RIF1: variants seen among roughly 807,000 people sequenced by gnomAD.
RIF1 encodes the protein telomere-associated protein RIF1.
Under a neutral mutation model 247.1 loss-of-function variants are expected in RIF1, and 45 were observed. That is an observed-to-expected ratio of 0.18 (90% CI 0.14 to 0.23). The LOEUF (loss-of-function observed/expected upper bound fraction) is 0.23. RIF1 is among the 10% of genes least tolerant of loss of function. The probability of loss-of-function intolerance (pLI) is 1.00; values close to 1 mark genes in which losing one functional copy is unlikely to be tolerated. For missense variants in RIF1, 2,967 were observed against 2,862.5 expected, an observed-to-expected ratio of 1.04 and a Z score of -0.83; for synonymous variants, 1,087 against 978.8, an observed-to-expected ratio of 1.11 and a Z score of -2.06.
chr2:151,479,038 A>G lies in RIF1; in HGVS notation c.*3967A>G, dbSNP rs937566534. The G allele has an allele frequency of 2.6e-5, 4 of 152,168 alleles. No homozygotes were observed. The highest frequency in any genetic ancestry group is 6.6e-5 in the Admixed American group (1 of 15,264). The allele number at this position is 152,168 out of a possible 1,614,324, so 9.4% of individuals were successfully genotyped here. A position where few individuals can be genotyped will look rare whatever the true frequency, so the allele number is the denominator to read the frequency against. On this transcript the variant is annotated 3_prime_UTR_variant, in exon 36 of 36. Coordinates refer to ENST00000444746, the MANE Select transcript of RIF1 (RefSeq NM_018151.5). Reference sequence around the variant, plus strand: ...CTTTGATGTGCATATGAACAAGTGGATTCTGATTCAGTAGATCTGCATTGG... The same window carrying G: ...CTTTGATGTGCATATGAACAAGTGGGTTCTGATTCAGTAGATCTGCATTGG...
the RIF1 span, among the ~76,000 whole-genome samples, chr2:151,515,351 A>G: frequency 6.6e-6 from 1 of 152,212 alleles, no homozygotes; most frequent in Non-Finnish European, 1.5e-5. Flanking sequence ...GCCTAAGGCT[A>G]CCAAATGCTA....
downstream of RIF1, among the ~76,000 whole-genome samples, chr2:151,508,290 A>C (rs1467159537): frequency 6.6e-6 from 1 of 152,186 alleles, no homozygotes; most frequent in African/African-American, 2.4e-5. Flanking sequence ...AAGAAAGAGC[A>C]CCATACTTTT....
In RIF1 at chr2:151,501,398, A is replaced by C. The variant is rs766968278; in HGVS notation, c.*710-1636A>C. 1 of 1,547,962 alleles carries C rather than the reference A, an allele frequency of 6.5e-7. No homozygotes were observed. The highest frequency in any genetic ancestry group is 1.2e-5 in the South Asian group (1 of 83,604). On this transcript the variant is annotated intron_variant and NMD_transcript_variant, in intron 11 of 13. Transcript: ENST00000454583. ...GAGCTTTCTCCCAAATACCGAGCTA[A>C]AGTTTTCTTGATTGAGTTTGACTCG... is the stretch of plus-strand genomic sequence containing the variant.
Position 151,435,600 on chromosome 2 carries a change from G to A in RIF1, c.1195+20G>A. The A allele has an allele frequency of 7.1e-7, 1 of 1,402,618 alleles. No individual in the cohort carries two copies. Among genetic ancestry groups the A allele is most frequent in the Non-Finnish European group, 1.0e-6 (1 of 991,256 alleles). 86.9% of individuals were successfully genotyped at this position (1,402,618 alleles called of 1,614,324 possible). A position where few individuals can be genotyped will look rare whatever the true frequency, so the allele number is the denominator to read the frequency against. ...ACAAAGGTAAGAGGTAGATATTCTT[G>A]TTTTTTGCTTTTTTAATCAGGCTTT... is the stretch of plus-strand genomic sequence containing the variant. On this transcript the variant is annotated intron_variant, in intron 11 of 35. Transcript: ENST00000444746.
At chr2:151,533,660 T>C in the RIF1 span, 2 of 660,988 alleles carry the variant, frequency 3.0e-6, no homozygotes, top group Non-Finnish European at 5.4e-6. Context: ...ACACTTTATG[T>C]ACTCACATAT....
the RIF1 span, among the ~76,000 whole-genome samples, chr2:151,522,153 A>C: frequency 6.6e-6 from 1 of 152,170 alleles, no homozygotes; most frequent in Non-Finnish European, 1.5e-5. Flanking sequence ...ATTTTGCATT[A>C]ATTATATTTT....
Position 151,463,634 on chromosome 2 carries a change from A to C in RIF1, c.4114A>C (p.Thr1372Pro). The change falls in exon 30 of 36, where the codon ACT becomes CCT. Residue 1372 changes from threonine to proline, a missense_variant. Physicochemically the swap from Thr to Pro is conservative, Grantham distance 38. Transcript: ENST00000444746. ...AAATGCTGTATTATTGGAAACTAAT[A>C]CTGTAGAGGAGAAAAATGTAGAAAT... Reference protein sequence around the residue: ...VENAVLLETNTVEEKNVEINL... With the variant: ...VENAVLLETNPVEEKNVEINL... 6.2e-7 allele frequency: 1 copy of C among 1,613,808 alleles called. No homozygotes were observed. The highest frequency in any genetic ancestry group is 1.3e-5 in the African/African-American group (1 of 75,048).
intron 11 of RIF1, among the ~76,000 whole-genome samples, chr2:151,500,449 T>C (rs1559262229): frequency 6.6e-6 from 1 of 151,884 alleles, no homozygotes; most frequent in Non-Finnish European, 1.5e-5. Flanking sequence ...GTGTTAGAGT[T>C]TTTCAGCAAC....
chr2:151,524,591 T>G, the RIF1 span: 2 of 1,613,234 alleles, frequency 1.2e-6, no homozygotes, highest in Non-Finnish European at 1.7e-6. Flanking sequence ...ATGCAGGTTC[T>G]CTTTGGCATC....
chr2:151,411,827 C>A (rs75196723), intron 3 of RIF1, among the ~76,000 whole-genome samples: 2,178 of 152,296 alleles, frequency 0.014, 26 homozygotes, highest in Non-Finnish European at 0.02. Context: ...TCTTAATTAC[C>A]TTACACGCTT....
At chr2:151,482,199 A>G (rs531735592), downstream of RIF1, 53 of 152,278 alleles carry the variant, frequency 3.5e-4, no homozygotes, top group African/African-American at 1.1e-3. Flanking sequence ...TGTTGGCTAC[A>G]TTTTGGTTTT....
the RIF1 span, chr2:151,533,548 T>A: frequency 6.5e-7 from 1 of 1,544,258 alleles, no homozygotes; most frequent in Admixed American, 2.0e-5. Context: ...ATATTTTCTC[T>A]GTCCATGCAA....
At position 151,463,583 on chromosome 2, in the gene RIF1, A is replaced by G. The variant is rs1169988850; in HGVS notation, c.4063A>G (p.Thr1355Ala). 4 of 1,613,912 alleles carry G rather than the reference A, an allele frequency of 2.5e-6. No homozygotes were observed. Among genetic ancestry groups the G allele is most frequent in the South Asian group, 2.2e-5 (2 of 91,082 alleles). ...LSESTMEHDNTKLKAATVENA... is the reference protein window; with the variant it reads ...LSESTMEHDNAKLKAATVENA... Reference sequence around the variant, plus strand: ...TGAATCTACAATGGAGCATGACAATACAAAGCTTAAAGCAGCAACAGTGGA... The same window carrying G: ...TGAATCTACAATGGAGCATGACAATGCAAAGCTTAAAGCAGCAACAGTGGA... The change falls in exon 30 of 36, where the codon ACA becomes GCA. Residue 1355 changes from threonine to alanine, a missense_variant. Around this residue, in one of 7 missense-constraint regions of RIF1, gnomAD observed 2,028 missense variants for 1,825.6 expected, o/e 1.11. Transcript: ENST00000444746.
At chr2:151,442,704 A>G (rs940659976) in intron 16 of RIF1, among the ~76,000 whole-genome samples, 6 of 151,234 alleles carry the variant, frequency 4.0e-5, no homozygotes, top group African/African-American at 1.5e-4. Flanking sequence ...TATATCTGGA[A>G]TCTCATAATT....
At chr2:151,519,534 T>G in the RIF1 span, 1 of 729,600 alleles carries the variant, frequency 1.4e-6, no homozygotes, top group Admixed American at 2.7e-5. Flanking sequence ...GAAAACATTT[T>G]GGAAATAGTG....
At chr2:151,495,972 A>G (rs1057036725) in intron 10 of RIF1, among the ~76,000 whole-genome samples, 1 of 152,186 alleles carries the variant, frequency 6.6e-6, no homozygotes, top group African/African-American at 2.4e-5. Flanking sequence ...CTAAATTTCA[A>G]GCATATCTAA....
chr2:151,426,063 C>T (rs1689018149), intron 8 of RIF1, among the ~76,000 whole-genome samples: 1 of 151,180 alleles, frequency 6.6e-6, no homozygotes, highest in Middle Eastern at 3.4e-3. Flanking sequence ...GTCTGTATGG[C>T]TGTCCTTATG....
chr2:151,430,873 C>T (rs751566838), intron 9 of RIF1, among the ~76,000 whole-genome samples: 2 of 152,080 alleles, frequency 1.3e-5, no homozygotes, highest in Non-Finnish European at 2.9e-5. Flanking sequence ...GGGCTAGTCT[C>T]GAGCTCCTGG....
intron 23 of RIF1, 144 bp from the exon 24 acceptor site, chr2:151,457,617 C>T (rs1443999757): frequency 1.2e-5 from 7 of 586,088 alleles, no homozygotes; most frequent in South Asian, 2.2e-5. Context: ...GATAATTTGT[C>T]GAGTTATAAA....
Sources: gnomAD v4.1 joint callset for allele counts (sites outside exome capture counted in the v4.1 genomes callset) on GRCh38, gnomAD v4.1.1 for gene constraint, gnomAD v4.1.1 regional missense constraint, MANE v1.5 for transcripts, NCBI Gene and HGNC (gene_info 2026-07-23, HGNC 2026-07-21) for gene names.